ADGRV1: variants seen among roughly 807,000 people sequenced by gnomAD.
The protein encoded by ADGRV1 is adhesion G protein-coupled receptor V1, also known as G-protein coupled receptor 98.
Under a neutral mutation model 596.2 loss-of-function variants are expected in ADGRV1, and 359 were observed. The ratio of observed to expected loss-of-function variants is 0.60; its 90% CI spans 0.55 to 0.66. ADGRV1 has a LOEUF of 0.66. ADGRV1 is among the 30% of genes least tolerant of loss of function. The pLI is 0.00. For synonymous variants in ADGRV1, 2,681 were observed against 2,679.2 expected, an observed-to-expected ratio of 1.00 and a Z score of -0.02; for missense variants, 7,274 against 7,575.6, an observed-to-expected ratio of 0.96 and a Z score of 1.48.
chr5:90,820,116 T>C (rs1481327436), intron 75 of ADGRV1, among the ~76,000 whole-genome samples: 2 of 151,920 alleles, frequency 1.3e-5, no homozygotes, highest in African/African-American at 4.8e-5. Context: ...TGGGTGCATA[T>C]ATATTTAGGA....
intron 85 of ADGRV1, among the ~76,000 whole-genome samples, chr5:91,064,596 T>A (rs1028787409): frequency 1.3e-5 from 2 of 152,230 alleles, no homozygotes; most frequent in Admixed American, 1.3e-4. Flanking sequence ...TTTCACTTTG[T>A]AGAGATTATC....
chr5:91,117,953 G>A (rs1292349815), intron 87 of ADGRV1, among the ~76,000 whole-genome samples: 1 of 152,154 alleles, frequency 6.6e-6, no homozygotes, highest in South Asian at 2.1e-4. Context: ...GTGCAAAGCA[G>A]GAACAGTGCT....
intron 85 of ADGRV1, among the ~76,000 whole-genome samples, chr5:91,071,511 A>ATG (rs1439695140): frequency 2.0e-5 from 3 of 151,972 alleles, no homozygotes; most frequent in African/African-American, 4.8e-5. Context: ...CTGTGTGTGC[A>ATG]TGTGTGTGTG....
chr5:91,030,413 TA>T (rs1277752166), intron 85 of ADGRV1, among the ~76,000 whole-genome samples: 1 of 152,136 alleles, frequency 6.6e-6, no homozygotes, highest in Non-Finnish European at 1.5e-5. Flanking sequence ...ACAGTTTTTT[TA>T]AGATGGAGTT....
chr5:91,071,757 C>T (rs754471389), intron 85 of ADGRV1, among the ~76,000 whole-genome samples: 83 of 152,120 alleles, frequency 5.5e-4, no homozygotes, highest in South Asian at 5.4e-3. Context: ...TCATTGCAAC[C>T]TCTGCCTCCC....
intron 20 of ADGRV1, chr5:90,654,445 T>C (rs1047175001): frequency 3.8e-5 from 7 of 185,420 alleles, no homozygotes; most frequent in African/African-American, 1.4e-4. Flanking sequence ...AAAGTGATTA[T>C]AGGGTTCATA....
intron 29 of ADGRV1, among the ~76,000 whole-genome samples, chr5:90,688,677 T>C (rs1209278555): frequency 6.6e-6 from 1 of 152,194 alleles, no homozygotes; most frequent in African/African-American, 2.4e-5. Flanking sequence ...CAAAAAGTTT[T>C]GGCCAAATTA....
rs975649647 is a variant in ADGRV1 at position 90,601,258 on chromosome 5, G to A, written c.23-13577G>A. Reference sequence around the variant, plus strand: ...ATCTCAAAAAAAAAAAAGCAGCAAGGGAAAACGAATTCTTGTAAATAAGCC... The same window carrying A: ...ATCTCAAAAAAAAAAAAGCAGCAAGAGAAAACGAATTCTTGTAAATAAGCC... On this transcript the variant is annotated intron_variant, in intron 1 of 89. Transcript: ENST00000405460. 4.0e-5 allele frequency among the ~76,000 whole-genome samples: 6 copies of A among 151,660 alleles called. No individual in the cohort carries two copies. In the South Asian group the frequency reaches 6.2e-4, roughly 16 times the overall value.
chr5:90,699,278 G>A (rs1341196841), intron 34 of ADGRV1, among the ~76,000 whole-genome samples: 1 of 152,072 alleles, frequency 6.6e-6, no homozygotes, highest in African/African-American at 2.4e-5. Context: ...AATGGATTAA[G>A]GCAAACAAAA....
chr5:90,952,074 G>A (rs964383967), intron 83 of ADGRV1, among the ~76,000 whole-genome samples: 1 of 152,124 alleles, frequency 6.6e-6, no homozygotes, highest in Non-Finnish European at 1.5e-5. Context: ...GTTGTATGTG[G>A]CTGTCCAAAA....
intron 82 of ADGRV1, among the ~76,000 whole-genome samples, chr5:90,861,624 A>G (rs1767590485): frequency 6.6e-6 from 1 of 152,130 alleles, no homozygotes; most frequent in African/African-American, 2.4e-5. Context: ...TTATTTTTTA[A>G]AAAATCATTC....
chr5:90,698,843 G>A (rs1278877950), intron 34 of ADGRV1, among the ~76,000 whole-genome samples: 1 of 152,064 alleles, frequency 6.6e-6, no homozygotes, highest in African/African-American at 2.4e-5. Flanking sequence ...CAGGGAGAGA[G>A]TGTGTTTTCA....
chr5:90,617,975 AT>A (rs1561392993), intron 3 of ADGRV1, 22 bp downstream of exon 3: 3 of 1,510,470 alleles, frequency 2.0e-6, no homozygotes, highest in Non-Finnish European at 1.8e-6. Context: ...TTTCCTCCTT[AT>A]AAAAATTATA....
chr5:90,603,148 G>A (rs1488989062), intron 1 of ADGRV1, among the ~76,000 whole-genome samples: 1 of 152,212 alleles, frequency 6.6e-6, no homozygotes, highest in Non-Finnish European at 1.5e-5. Flanking sequence ...TCCCATGCCA[G>A]TTGCAGTGTG....
chr5:91,028,732 G>GGT (rs1562111339), intron 85 of ADGRV1, among the ~76,000 whole-genome samples: 4 of 95,912 alleles, frequency 4.2e-5, no homozygotes, highest in Non-Finnish European at 5.7e-5. Flanking sequence ...ACTAGACTCT[G>GGT]TTTTTTTTTT....
Position 90,764,353 on chromosome 5 carries a change from A to G in ADGRV1, c.12285+884A>G, listed in dbSNP as rs566299837. On this transcript the variant is annotated intron_variant, in intron 59 of 89. Coordinates refer to ENST00000405460, the MANE Select transcript of ADGRV1 (RefSeq NM_032119.4). Reference sequence around the variant, plus strand: ...ACTGCTGCTCTGTCTAAAGGCGGGGAGTTGGGCCCTGTTCTTCCTGTAAGC... The same window carrying G: ...ACTGCTGCTCTGTCTAAAGGCGGGGGGTTGGGCCCTGTTCTTCCTGTAAGC... Among the ~76,000 whole-genome samples the G allele has an allele frequency of 2.6e-5, 4 of 152,222 alleles. No individual in the cohort carries two copies. In the South Asian group the frequency reaches 8.3e-4, roughly 32 times the overall value.
intron 83 of ADGRV1, among the ~76,000 whole-genome samples, chr5:90,952,525 G>T (rs1021388569): frequency 6.6e-6 from 1 of 152,096 alleles, no homozygotes; most frequent in Middle Eastern, 3.2e-3. Context: ...GAGCATTCTG[G>T]ATACTTGAAG....
intron 21 of ADGRV1, among the ~76,000 whole-genome samples, chr5:90,670,492 A>G (rs1205844787): frequency 1.3e-5 from 2 of 152,226 alleles, no homozygotes; most frequent in African/African-American, 4.8e-5. Flanking sequence ...GGGAGAAGTC[A>G]TGTGAATAGA....
chr5:90,993,456 C>T (rs556433090), intron 85 of ADGRV1, among the ~76,000 whole-genome samples: 32 of 152,068 alleles, frequency 2.1e-4, no homozygotes, highest in Admixed American at 3.3e-4. Flanking sequence ...CATGCTGTGC[C>T]GGTTTTCACT....
Sources: gnomAD v4.1 joint callset for allele counts (sites outside exome capture counted in the v4.1 genomes callset) on GRCh38, gnomAD v4.1.1 for gene constraint, MANE v1.5 for transcripts, NCBI Gene and HGNC (gene_info 2026-07-23, HGNC 2026-07-21) for gene names.